The following HOOK3 variants were observed in gnomAD, a reference collection of about 807,000 sequenced individuals.
HOOK3 encodes hook microtubule tethering protein 3, also known as protein Hook homolog 3.
Under a neutral mutation model 116.3 loss-of-function variants are expected in HOOK3, and 24 were observed. That is an observed-to-expected ratio of 0.21 (90% CI 0.15 to 0.29). The LOEUF is 0.29. Ranked by LOEUF, HOOK3 falls within the 10% of genes least tolerant of loss-of-function variation. The pLI, the probability that HOOK3 is intolerant of heterozygous loss-of-function variation, is 1.00. For missense variants in HOOK3, 632 were observed against 830.2 expected (o/e 0.76, Z 2.93); for synonymous variants, 275 against 283.0 (o/e 0.97, Z 0.28).
intron 13 of HOOK3, among the ~76,000 whole-genome samples, chr8:42,976,974 G>T (rs1003340425): frequency 2.0e-5 from 3 of 152,138 alleles, no homozygotes; most frequent in African/African-American, 7.2e-5. Context: ...TACAAATCAG[G>T]GACTCTGGGG....
intron 2 of HOOK3, among the ~76,000 whole-genome samples, chr8:42,924,323 CCCTCCCTT>C (rs1205479742): frequency 4.8e-5 from 7 of 146,696 alleles, no homozygotes; most frequent in South Asian, 2.3e-4. Flanking sequence ...CTCCCTCCCT[CCCTCCCTT>C]CCTCCCTTCC....
chr8:42,975,591 C>T (rs2130436118), intron 13 of HOOK3, among the ~76,000 whole-genome samples: 1 of 152,254 alleles, frequency 6.6e-6, no homozygotes, highest in East Asian at 1.9e-4. Context: ...TTTATCAAGC[C>T]CATGAAAAAA....
At chr8:42,939,243 A>G (rs1808041477) in intron 4 of HOOK3, among the ~76,000 whole-genome samples, 1 of 152,090 alleles carries the variant, frequency 6.6e-6, no homozygotes. Context: ...TACACCTCCC[A>G]GACGGGGTGG....
chr8:42,905,544 G>A (rs550759979), intron 1 of HOOK3, among the ~76,000 whole-genome samples: 1 of 151,938 alleles, frequency 6.6e-6, no homozygotes, highest in Non-Finnish European at 1.5e-5. Context: ...TTCCCTGTGT[G>A]TCCCTGAGTC....
intron 8 of HOOK3, among the ~76,000 whole-genome samples, chr8:42,959,652 G>A (rs1808500980): frequency 7.1e-6 from 1 of 141,734 alleles, no homozygotes; most frequent in African/African-American, 2.6e-5. Flanking sequence ...CTGGGAGGCA[G>A]AGGTTGCAGT....
chr8:42,912,909 C>G (rs960003196), intron 2 of HOOK3, among the ~76,000 whole-genome samples: 3 of 152,186 alleles, frequency 2.0e-5, no homozygotes, highest in Non-Finnish European at 4.4e-5. Flanking sequence ...GCCTATTTAT[C>G]CCTCTCTCCA....
chr8:42,986,761 A>G lies in HOOK3; in HGVS notation c.1498A>G (p.Asn500Asp), dbSNP rs1809056464. 1.2e-6 allele frequency: 2 copies of G among 1,613,848 alleles called. No homozygotes were observed. Among genetic ancestry groups the G allele is most frequent in the Non-Finnish European group, 1.7e-6 (2 of 1,179,936 alleles). Residue 500 changes from asparagine to aspartate, a missense_variant, in exon 15 of 22, where the codon AAT becomes GAT. This residue lies in a region of HOOK3 where 483 missense variants were observed against 648.1 expected (regional missense o/e 0.75). Transcript: ENST00000307602. The stretch of plus-strand genomic sequence containing the variant: ...ATTGCAGAGCCTTCTAGATGATGCA[A>G]ATCTACGCAAGAATGAACTGGAGAC... ...ALLQSLLDDA[N>D]LRKNELETEN...
chr8:42,993,347 G>A (rs192817893), intron 15 of HOOK3, among the ~76,000 whole-genome samples: 187 of 152,238 alleles, frequency 1.2e-3, no homozygotes, highest in African/African-American at 4.2e-3. Context: ...GGTTTTCACC[G>A]TGTTGGCCAG....
At chr8:42,912,778 G>A (rs1294445285) in intron 2 of HOOK3, among the ~76,000 whole-genome samples, 3 of 152,288 alleles carry the variant, frequency 2.0e-5, no homozygotes, top group Admixed American at 2.0e-4. Context: ...AAAGGCCGTC[G>A]TTAACGTTAG....
chr8:42,993,290 G>T (rs1809201952), intron 15 of HOOK3, among the ~76,000 whole-genome samples: 1 of 152,048 alleles, frequency 6.6e-6, no homozygotes, highest in Non-Finnish European at 1.5e-5. Flanking sequence ...TTAAGACAGG[G>T]TCTTACTCTG....
chr8:42,906,792 G>A (rs1308161129), intron 2 of HOOK3, among the ~76,000 whole-genome samples: 2 of 152,172 alleles, frequency 1.3e-5, no homozygotes, highest in African/African-American at 4.8e-5. Context: ...AACTCCACAT[G>A]GAGCCAGGGA....
At chr8:42,991,283 G>A (rs113957968) in intron 15 of HOOK3, among the ~76,000 whole-genome samples, 7,204 of 151,768 alleles carry the variant, frequency 0.047, 342 homozygotes, top group African/African-American at 0.12. Context: ...GGTATTCTGT[G>A]GTTCCATATA....
intron 2 of HOOK3, among the ~76,000 whole-genome samples, chr8:42,919,726 C>T (rs904332442): frequency 2.0e-5 from 3 of 152,324 alleles, no homozygotes; most frequent in East Asian, 3.9e-4. Context: ...AGATCACTCG[C>T]GGTCAGGAGC....
At chr8:42,939,037 G>GAGGCATGAGCCACTGTGTCTGTT (rs1808035231) in intron 4 of HOOK3, among the ~76,000 whole-genome samples, 1 of 152,156 alleles carries the variant, frequency 6.6e-6, no homozygotes, top group South Asian at 2.1e-4. Context: ...TTGGGGGTAA[G>GAGGCATGAGCCACTGTGTCTGTT]GTCACAGATC....
intron 21 of HOOK3, among the ~76,000 whole-genome samples, chr8:43,015,503 A>G (rs1809695628): frequency 6.6e-6 from 1 of 152,204 alleles, no homozygotes; most frequent in Non-Finnish European, 1.5e-5. Context: ...AGCCTTGACG[A>G]CAGAGCGAGA....
In HOOK3 at chr8:42,952,736, A is replaced by G. The variant is rs560013027; in HGVS notation, c.468+2281A>G. On this transcript the variant is annotated intron_variant, in intron 6 of 21. Coordinates refer to ENST00000307602, the MANE Select transcript of HOOK3 (RefSeq NM_032410.4). Reference sequence around the variant, plus strand: ...TGGTTTAGCAGTCAGCACTGATGGCAGGAATGCAAACTGGTATATCTTTTA... The same window carrying G: ...TGGTTTAGCAGTCAGCACTGATGGCGGGAATGCAAACTGGTATATCTTTTA... Among the ~76,000 whole-genome samples, 3 of 152,354 alleles carry G rather than the reference A, an allele frequency of 2.0e-5. No homozygotes were observed. In the South Asian group the frequency reaches 6.2e-4, roughly 32 times the overall value.
chr8:42,986,878 A>G, intron 15 of HOOK3, 83 bp downstream of exon 15: 11 of 1,431,476 alleles, frequency 7.7e-6, no homozygotes, highest in Admixed American at 1.9e-5. Context: ...AAGAACTGGC[A>G]GGGCATGGTG....
chr8:42,906,342 C>A (rs1807310759), intron 2 of HOOK3, 84 bp downstream of exon 2: 2 of 962,320 alleles, frequency 2.1e-6, no homozygotes, highest in Non-Finnish European at 1.7e-6. Flanking sequence ...AAAGTACTTA[C>A]ATGAAACGTG....
intron 2 of HOOK3, among the ~76,000 whole-genome samples, chr8:42,911,584 G>A (rs1370909244): frequency 6.6e-6 from 1 of 152,134 alleles, no homozygotes; most frequent in African/African-American, 2.4e-5. Flanking sequence ...AAGAGGCCAG[G>A]GTGATGATTA....
Sources: gnomAD v4.1 joint callset for allele counts (sites outside exome capture counted in the v4.1 genomes callset) on GRCh38, gnomAD v4.1.1 for gene constraint, gnomAD v4.1.1 regional missense constraint, MANE v1.5 for transcripts, NCBI Gene and HGNC (gene_info 2026-07-23, HGNC 2026-07-21) for gene names.